SCAI: variants seen among roughly 807,000 people sequenced by gnomAD.
The protein encoded by SCAI is protein SCAI.
SCAI carries 24 observed loss-of-function variants against 92.2 expected under a neutral mutation model. The ratio of observed to expected loss-of-function variants is 0.26; its 90% CI spans 0.19 to 0.37. The LOEUF is 0.37. SCAI is among the 10% of genes least tolerant of loss of function. The probability of loss-of-function intolerance (pLI) is 1.00; values close to 1 mark genes in which losing one functional copy is unlikely to be tolerated. For synonymous variants in SCAI, 261 were observed against 258.6 expected, an observed-to-expected ratio of 1.01 and a Z score of -0.09; for missense variants, 450 against 736.2, an observed-to-expected ratio of 0.61 and a Z score of 4.50.
chr9:125,040,999 G>GA (rs1466216354), intron 3 of SCAI, among the ~76,000 whole-genome samples: 1 of 152,062 alleles, frequency 6.6e-6, no homozygotes, highest in East Asian at 1.9e-4. Context: ...TACACAATAT[G>GA]AATGAAAGGT....
At chr9:125,108,711 C>T (rs1834868092) in intron 2 of SCAI, among the ~76,000 whole-genome samples, 1 of 151,642 alleles carries the variant, frequency 6.6e-6, no homozygotes, top group South Asian at 2.1e-4. Flanking sequence ...AACCCCTCCG[C>T]CCGGCAGCCG....
chr9:125,013,798 G>C (rs1245851727), intron 9 of SCAI, among the ~76,000 whole-genome samples: 2 of 151,964 alleles, frequency 1.3e-5, no homozygotes, highest in African/African-American at 4.8e-5. Context: ...CTGGCAAACC[G>C]AATCCAGCAG....
chr9:124,964,257 C>T (rs1831497839), intron 17 of SCAI, among the ~76,000 whole-genome samples: 2 of 152,190 alleles, frequency 1.3e-5, no homozygotes, highest in Admixed American at 6.5e-5. Context: ...GTCCACCCCA[C>T]GTCATCTTCT....
At chr9:124,995,342 T>C (rs1182797006) in intron 13 of SCAI, among the ~76,000 whole-genome samples, 1 of 152,186 alleles carries the variant, frequency 6.6e-6, no homozygotes, top group African/African-American at 2.4e-5. Flanking sequence ...AAAAGCTCCT[T>C]GTAAGAACAT....
intron 2 of SCAI, among the ~76,000 whole-genome samples, chr9:125,098,972 T>TAA (rs909218744): frequency 6.8e-6 from 1 of 146,576 alleles, no homozygotes; most frequent in Admixed American, 6.8e-5. Flanking sequence ...AATCACAGAT[T>TAA]AAAAAAAAAA....
chr9:125,108,058 T>C lies in SCAI; in HGVS notation c.98+34575A>G, dbSNP rs556577808. ...TGTGTTGGCCGGGCTGGTCTCCAGC[T>C]CCTAACCGCGAGTGATCTGCCAGCC... On this transcript the variant is annotated intron_variant, in intron 2 of 17. Coordinates refer to ENST00000336505, the MANE Select transcript of SCAI (RefSeq NM_001144877.3). Among the ~76,000 whole-genome samples, 7 of 152,372 alleles carry C rather than the reference T, an allele frequency of 4.6e-5. No homozygotes were observed. In the South Asian group the frequency reaches 6.2e-4, roughly 14 times the overall value.
At chr9:125,078,478 A>G (rs998705370) in intron 2 of SCAI, among the ~76,000 whole-genome samples, 8 of 152,328 alleles carry the variant, frequency 5.3e-5, no homozygotes, top group African/African-American at 1.9e-4. Flanking sequence ...CAGTGAGCTG[A>G]GATCACGCCA....
chr9:125,074,911 G>A (rs979485120), intron 2 of SCAI, among the ~76,000 whole-genome samples: 1 of 152,034 alleles, frequency 6.6e-6, no homozygotes, highest in African/African-American at 2.4e-5. Context: ...GGCTGAGGCA[G>A]GAGAATCGCT....
At position 125,091,103 on chromosome 9, in the gene SCAI, C is replaced by G. The variant is rs746053644; in HGVS notation, c.99-35096G>C. ...CTGCACTCCAGCCTGGGTGACAAAG[C>G]GAGACTCTGTCTCAAAAAAAAGAAA... On this transcript the variant is annotated intron_variant, in intron 2 of 17. Transcript: ENST00000336505. The surrounding 1 kb of genome is among the most constrained non-coding windows in gnomAD (Gnocchi z 4.3). Among the ~76,000 whole-genome samples, 2 of 152,164 alleles carry G rather than the reference C, an allele frequency of 1.3e-5. No homozygotes were observed. Among genetic ancestry groups the G allele is most frequent in the Admixed American group, 1.3e-4 (2 of 15,286 alleles).
chr9:124,963,896 G>A (rs1045216705), intron 17 of SCAI, among the ~76,000 whole-genome samples: 4 of 151,990 alleles, frequency 2.6e-5, no homozygotes, highest in Non-Finnish European at 5.9e-5. Context: ...TGTGGAGGAG[G>A]AGGAGGGGTT....
intron 3 of SCAI, among the ~76,000 whole-genome samples, chr9:125,033,932 G>T (rs1588166131): frequency 6.6e-6 from 1 of 152,274 alleles, no homozygotes; most frequent in Admixed American, 6.5e-5. Context: ...ATTATTATAT[G>T]AAGAAATATC....
At chr9:125,133,888 G>A (rs2131268708) in intron 2 of SCAI, among the ~76,000 whole-genome samples, 1 of 152,278 alleles carries the variant, frequency 6.6e-6, no homozygotes, top group African/African-American at 2.4e-5. Flanking sequence ...GCTGTCCCAT[G>A]CATTTTAGGA....
At chr9:125,015,924 G>C (rs367852165) in intron 9 of SCAI, among the ~76,000 whole-genome samples, 2 of 149,938 alleles carry the variant, frequency 1.3e-5, no homozygotes, top group Admixed American at 1.3e-4. Context: ...GTAAACTATC[G>C]CAAGAACAAA....
At chr9:125,049,757 G>A (rs1202187168) in intron 3 of SCAI, among the ~76,000 whole-genome samples, 4 of 152,102 alleles carry the variant, frequency 2.6e-5, no homozygotes, top group African/African-American at 9.7e-5. Context: ...CGTAAAAAGA[G>A]AATCTATTAT....
chr9:124,965,721 G>A (rs745690023), intron 17 of SCAI, among the ~76,000 whole-genome samples: 1 of 152,082 alleles, frequency 6.6e-6, no homozygotes, highest in Non-Finnish European at 1.5e-5. Context: ...TGAAATGGCA[G>A]GCAACCACAA....
intron 2 of SCAI, among the ~76,000 whole-genome samples, chr9:125,140,623 G>A (rs1835643929): frequency 6.6e-6 from 1 of 150,804 alleles, no homozygotes; most frequent in Admixed American, 6.6e-5. Flanking sequence ...GTAGGCCAAG[G>A]TGGTTGGATC....
At chr9:124,962,934 G>A (rs960314904) in intron 17 of SCAI, among the ~76,000 whole-genome samples, 1 of 151,452 alleles carries the variant, frequency 6.6e-6, no homozygotes, top group African/African-American at 2.4e-5. Flanking sequence ...GAGTAGCCGG[G>A]ATTACAGGTG....
intron 13 of SCAI, among the ~76,000 whole-genome samples, chr9:124,996,057 TAA>T (rs1021998921): frequency 3.9e-5 from 6 of 152,158 alleles, no homozygotes; most frequent in African/African-American, 9.7e-5. Flanking sequence ...ATATTTCAAA[TAA>T]AAGTTTTTCT....
In SCAI at chr9:125,142,693, A is replaced by G. The variant is rs763443492; in HGVS notation, c.54-16T>C. 9.9e-6 allele frequency: 16 copies of G among 1,611,312 alleles called. No individual in the cohort carries two copies. The Admixed American group carries it at 2.7e-4, about 27-fold the overall frequency. On this transcript the variant is annotated splice_polypyrimidine_tract_variant and intron_variant, in intron 1 of 17. Coordinates refer to ENST00000336505, the MANE Select transcript of SCAI (RefSeq NM_001144877.3). ...GCCAGTCAGTCTGCAGACCAAACAA[A>G]TAAGACGGTAACTAAAAGTAACATA...
Sources: gnomAD v4.1 joint callset for allele counts (sites outside exome capture counted in the v4.1 genomes callset) on GRCh38, gnomAD v4.1.1 for gene constraint, Gnocchi (gnomAD v3.1) non-coding constraint, MANE v1.5 for transcripts, NCBI Gene and HGNC (gene_info 2026-07-23, HGNC 2026-07-21) for gene names.